The following DMD variants were observed in gnomAD, a reference collection of about 807,000 sequenced individuals.
DMD encodes mutant dystrophin.
DMD carries 63 observed loss-of-function variants against 330.1 expected under a neutral mutation model. The observed-to-expected ratio is 0.19, with a 90% CI of 0.16 to 0.24. The LOEUF (loss-of-function observed/expected upper bound fraction) is 0.24. Ranked by LOEUF, DMD falls within the 10% of genes least tolerant of loss-of-function variation. DMD has a pLI of 1.00. For synonymous variants in DMD, 1,223 were observed against 959.8 expected (o/e 1.27, Z -5.07); for missense variants, 3,344 against 2,684.1 (o/e 1.25, Z -5.43).
At chrX:32,033,717 T>TGA (rs1399625173) in intron 44 of DMD, among the ~76,000 whole-genome samples, 2 of 104,599 alleles carry the variant, frequency 1.9e-5, no homozygotes, top group Admixed American at 1.0e-4. Context: ...AAAAAGAAAA[T>TGA]GAGAGAGAGA....
At chrX:31,431,968 C>T (rs2064122550) in intron 60 of DMD, among the ~76,000 whole-genome samples, 1 of 109,240 alleles carries the variant, frequency 9.2e-6, no homozygotes, top group Non-Finnish European at 1.9e-5. Context: ...GCATGCGTCA[C>T]CATGCCTGGC....
intron 55 of DMD, among the ~76,000 whole-genome samples, chrX:31,545,207 G>A (rs1441614774): frequency 1.8e-5 from 2 of 111,985 alleles, no homozygotes; most frequent in African/African-American, 6.5e-5. Context: ...CCCTACCCAG[G>A]ATCAGAACCA....
chrX:32,011,680 G>C (rs1318741208), intron 44 of DMD, among the ~76,000 whole-genome samples: 1 of 111,194 alleles, frequency 9.0e-6, no homozygotes, highest in Admixed American at 9.6e-5. Context: ...CCTGATCCTA[G>C]CTGCCTCCAG....
intron 4 of DMD, among the ~76,000 whole-genome samples, chrX:32,839,111 C>G (rs1301714060): frequency 9.0e-6 from 1 of 111,092 alleles, no homozygotes; most frequent in Non-Finnish European, 1.9e-5. Flanking sequence ...GACCTGAGTC[C>G]AAATGCCAAC....
intron 62 of DMD, among the ~76,000 whole-genome samples, chrX:31,284,862 A>ACACACC (rs1491159928): frequency 7.0e-5 from 7 of 100,289 alleles, no homozygotes; most frequent in African/African-American, 1.9e-4. Context: ...ACACACACAC[A>ACACACC]CCCACACCCA....
chrX:31,544,196 T>C (rs2074011178), intron 55 of DMD, among the ~76,000 whole-genome samples: 1 of 110,242 alleles, frequency 9.1e-6, no homozygotes, highest in Non-Finnish European at 1.9e-5. Context: ...TGGTGGCATG[T>C]GCCTGTAATC....
intron 2 of DMD, among the ~76,000 whole-genome samples, chrX:32,887,745 C>CAAAAAAAAAAAAAAAAAAAAAAAAAA (rs771100080): frequency 1.5e-4 from 1 of 6,488 alleles, no homozygotes; most frequent in African/African-American, 4.5e-4. Context: ...AAGACTGTCT[C>CAAAAAAAAAAAAAAAAAAAAAAAAAA]AAAAAAAAAA....
chrX:32,318,579 G>A (rs1242164801), intron 41 of DMD, among the ~76,000 whole-genome samples: 1 of 110,965 alleles, frequency 9.0e-6, no homozygotes, highest in Admixed American at 9.7e-5. Context: ...TTGCTCTTAT[G>A]TGATTTCCCC....
intron 67 of DMD, among the ~76,000 whole-genome samples, chrX:31,201,809 C>T (rs2043502299): frequency 8.9e-6 from 1 of 112,196 alleles, no homozygotes; most frequent in Non-Finnish European, 1.9e-5. Context: ...TGAGCCTTAC[C>T]TTTAACCCAA....
At chrX:32,445,884 G>A (rs2098301872) in intron 27 of DMD, among the ~76,000 whole-genome samples, 1 of 111,248 alleles carries the variant, frequency 9.0e-6, no homozygotes, top group Admixed American at 9.6e-5. Flanking sequence ...CATAAATGTA[G>A]AGAGATAAAT....
chrX:31,699,597 T>C (rs971464275), intron 52 of DMD, among the ~76,000 whole-genome samples: 13 of 112,117 alleles, frequency 1.2e-4, no homozygotes, highest in Admixed American at 3.8e-4. Flanking sequence ...CATTTCATAA[T>C]ACACATGAGA....
At chrX:32,353,283 C>T (rs1050815256) in intron 37 of DMD, among the ~76,000 whole-genome samples, 4 of 111,645 alleles carry the variant, frequency 3.6e-5, no homozygotes, top group African/African-American at 1.3e-4. Flanking sequence ...TAAAATTCTA[C>T]ATGTCATTCC....
intron 44 of DMD, among the ~76,000 whole-genome samples, chrX:32,075,965 T>G (rs1285340803): frequency 2.0e-5 from 2 of 97,998 alleles, no homozygotes; most frequent in Non-Finnish European, 4.0e-5. Flanking sequence ...GGAGAATCAT[T>G]TGAGCCCACG....
At chrX:32,174,093 A>G (rs192322873) in intron 44 of DMD, among the ~76,000 whole-genome samples, 66 of 112,260 alleles carry the variant, frequency 5.9e-4, no homozygotes, top group Middle Eastern at 4.6e-3. Context: ...TCAATGAAGC[A>G]TTGTCAAAGT....
intron 1 of DMD, among the ~76,000 whole-genome samples, chrX:33,066,446 C>CAAA (rs778464677): frequency 7.8e-5 from 3 of 38,355 alleles, no homozygotes; most frequent in African/African-American, 1.1e-4. Flanking sequence ...GAGACTCTGT[C>CAAA]AAAAAAAAAA....
Position 31,206,637 on chromosome X carries a change from A to G in DMD, c.9594T>C (p.Ser3198=). The change falls in exon 66 of 79, where the codon TCT becomes TCC. Residue 3198 remains serine, a synonymous_variant. Coordinates refer to ENST00000357033, the MANE Select transcript of DMD (RefSeq NM_004006.3). ...TGRTGRIRVL[S]FKTGIISLCK... ...ACAGGGAAATGATGCCAGTTTTAAA[A>G]GACAGGACACGGATCCTCCCTGTTC... 1 of 1,211,037 alleles carries G rather than the reference A, an allele frequency of 8.3e-7. No homozygotes were observed. The highest frequency in any genetic ancestry group is 1.8e-5 in the South Asian group (1 of 56,740).
chrX:32,592,849 C>T (rs991177682), intron 13 of DMD, among the ~76,000 whole-genome samples: 1 of 112,249 alleles, frequency 8.9e-6, no homozygotes, highest in Non-Finnish European at 1.9e-5. Context: ...CAGGTGCCAC[C>T]GCGATCCCCT....
intron 12 of DMD, among the ~76,000 whole-genome samples, chrX:32,608,099 G>C (rs2056879836): frequency 9.1e-6 from 1 of 109,968 alleles, no homozygotes; most frequent in African/African-American, 3.3e-5. Flanking sequence ...TCTAAGTAAT[G>C]TTACTGAATC....
At chrX:33,053,080 T>G (rs1370151882) in intron 1 of DMD, among the ~76,000 whole-genome samples, 1 of 111,905 alleles carries the variant, frequency 8.9e-6, no homozygotes, top group Non-Finnish European at 1.9e-5. Context: ...AACATCTACT[T>G]GTTCTTTTGC....
Sources: allele counts gnomAD v4.1 joint callset (sites outside exome capture counted in the v4.1 genomes callset), GRCh38; gene constraint gnomAD v4.1.1; transcripts MANE v1.5; gene names NCBI Gene and HGNC (gene_info 2026-07-23, HGNC 2026-07-21).